The following SPIN1 variants were observed in gnomAD, a reference collection of about 807,000 sequenced individuals.
The protein encoded by SPIN1 is spindlin-1.
In SPIN1, 3 loss-of-function variants were observed where a neutral mutation model predicts 26.0. That is an observed-to-expected ratio of 0.12 (90% CI 0.05 to 0.30). SPIN1 has a LOEUF of 0.30. Ranked by LOEUF, SPIN1 falls within the 10% of genes least tolerant of loss-of-function variation. The pLI is 1.00. For missense variants in SPIN1, 126 were observed against 333.4 expected, an observed-to-expected ratio of 0.38 and a Z score of 4.84; for synonymous variants, 101 against 116.5, an observed-to-expected ratio of 0.87 and a Z score of 0.86.
Position 88,475,403 on chromosome 9 carries a change from C to A in SPIN1, c.*126C>A. 2 of 967,258 alleles carry A rather than the reference C, an allele frequency of 2.1e-6. No individual in the cohort carries two copies. Among genetic ancestry groups the A allele is most frequent in the Non-Finnish European group, 1.5e-6 (1 of 652,100 alleles). 59.9% of individuals were successfully genotyped at this position (967,258 alleles called of 1,614,324 possible). A position where few individuals can be genotyped will look rare whatever the true frequency, so the allele number is the denominator to read the frequency against. ...CCTGCGAACCCACAATCTCTGCCAGCAGAACTGGTTTTGTTCTGAATAGTA... is the reference window on the plus strand; with the variant it reads ...CCTGCGAACCCACAATCTCTGCCAGAAGAACTGGTTTTGTTCTGAATAGTA... On this transcript the variant is annotated 3_prime_UTR_variant, in exon 6 of 6. Transcript: ENST00000375859.
chr9:88,444,621 C>T (rs940700622), intron 2 of SPIN1, among the ~76,000 whole-genome samples: 3 of 151,608 alleles, frequency 2.0e-5, no homozygotes, highest in Admixed American at 1.3e-4. Context: ...CAGATCATTT[C>T]AGGGATAGTG....
At chr9:88,446,709 G>C (rs1325672840) in intron 2 of SPIN1, among the ~76,000 whole-genome samples, 2 of 152,060 alleles carry the variant, frequency 1.3e-5, no homozygotes, top group Admixed American at 6.6e-5. Context: ...CGCCAGCCCG[G>C]CTTGCTTATT....
intron 2 of SPIN1, among the ~76,000 whole-genome samples, chr9:88,426,868 GT>G (rs1172668541): frequency 6.6e-6 from 1 of 151,816 alleles, no homozygotes; most frequent in African/African-American, 2.4e-5. Context: ...AGTAAAAGGA[GT>G]TTTTTCCGGA....
intron 5 of SPIN1, among the ~76,000 whole-genome samples, chr9:88,473,141 C>G (rs1587819217): frequency 6.6e-6 from 1 of 151,990 alleles, no homozygotes; most frequent in Non-Finnish European, 1.5e-5. Context: ...GCCTGTAATC[C>G]CAGCACTTTG....
At chr9:88,452,468 T>C (rs1256160815) in intron 3 of SPIN1, among the ~76,000 whole-genome samples, 2 of 152,222 alleles carry the variant, frequency 1.3e-5, no homozygotes, top group Non-Finnish European at 2.9e-5. Context: ...ATGTGCACCA[T>C]GGTGTATACA....
chr9:88,414,030 C>CAG (rs773145297), intron 1 of SPIN1, among the ~76,000 whole-genome samples: 3 of 141,772 alleles, frequency 2.1e-5, no homozygotes, highest in African/African-American at 7.5e-5. Flanking sequence ...TTTATTATAG[C>CAG]AAAAAAAAAA....
intron 1 of SPIN1, among the ~76,000 whole-genome samples, chr9:88,420,088 T>C (rs1827641460): frequency 6.6e-6 from 1 of 152,188 alleles, no homozygotes; most frequent in East Asian, 1.9e-4. Context: ...AAAAGAGTTT[T>C]ATTCAGGCCA....
chr9:88,445,817 A>G (rs377042662), intron 2 of SPIN1, among the ~76,000 whole-genome samples: 1 of 151,994 alleles, frequency 6.6e-6, no homozygotes, highest in Non-Finnish European at 1.5e-5. Flanking sequence ...CTGGGATTAC[A>G]GGTGTGAGCC....
chr9:88,451,627 C>A (rs1452219994), intron 3 of SPIN1, among the ~76,000 whole-genome samples: 1 of 152,176 alleles, frequency 6.6e-6, no homozygotes, highest in African/African-American at 2.4e-5. Context: ...GTGGTGCAAT[C>A]TTGGTTCACT....
intron 1 of SPIN1, among the ~76,000 whole-genome samples, chr9:88,402,053 C>T (rs1439821467): frequency 3.3e-5 from 5 of 152,056 alleles, no homozygotes; most frequent in African/African-American, 1.2e-4. Flanking sequence ...TGCGGCGGTG[C>T]GATCTTGGCT....
At chr9:88,411,365 T>G (rs1467326533) in intron 1 of SPIN1, 1 of 1,567,516 alleles carries the variant, frequency 6.4e-7, no homozygotes, top group African/African-American at 1.3e-5. Context: ...TTGCTCAAAA[T>G]GGCTCCTCAG....
intron 1 of SPIN1, among the ~76,000 whole-genome samples, chr9:88,406,686 A>G (rs577947905): frequency 1.3e-4 from 20 of 152,258 alleles, no homozygotes; most frequent in African/African-American, 4.6e-4. Flanking sequence ...TTTAGTTTCA[A>G]TCTGTTAATA....
intron 1 of SPIN1, chr9:88,410,483 C>T: frequency 1.4e-6 from 1 of 733,386 alleles, no homozygotes; most frequent in Non-Finnish European, 2.5e-6. Context: ...TGTAGCTTCT[C>T]TGTCACTTCT....
intron 1 of SPIN1, among the ~76,000 whole-genome samples, chr9:88,417,665 G>T (rs34239533): frequency 2.2e-4 from 34 of 151,956 alleles, no homozygotes; most frequent in Non-Finnish European, 4.1e-4. Context: ...TAGAGATGAG[G>T]TTTCACCATG....
intron 3 of SPIN1, among the ~76,000 whole-genome samples, chr9:88,461,094 C>G (rs2118183807): frequency 6.6e-6 from 1 of 152,282 alleles, no homozygotes; most frequent in East Asian, 1.9e-4. Context: ...GAATGCTTTC[C>G]TAGCTTAAGA....
intron 1 of SPIN1, chr9:88,410,861 G>A (rs1301073145): frequency 1.1e-6 from 1 of 930,452 alleles, no homozygotes; most frequent in South Asian, 1.3e-5. Context: ...CGACCACCAC[G>A]TTTCCAGAAT....
Position 88,389,925 on chromosome 9 carries a change from C to CT in SPIN1, c.-159+1388dup, listed in dbSNP as rs574021883. Among the ~76,000 whole-genome samples, 420 of 152,120 alleles carry CT rather than the reference C, an allele frequency of 2.8e-3. 1 individual carries two copies. The highest frequency in any genetic ancestry group is 9.5e-3 in the African/African-American group (396 of 41,520). ...TGAGGCTTCTTCCAACCTCCCCACT[C>CT]TCCCCCCTCAGCTTTAGTTAAAAGG... On this transcript the variant is annotated intron_variant, in intron 1 of 5. Transcript: ENST00000375859.
intron 2 of SPIN1, among the ~76,000 whole-genome samples, chr9:88,443,352 C>G (rs1483233786): frequency 6.6e-6 from 1 of 152,116 alleles, no homozygotes. Flanking sequence ...ACTAATAAGC[C>G]TGTCTCTGAA....
intron 1 of SPIN1, among the ~76,000 whole-genome samples, chr9:88,424,597 C>T (rs1827732349): frequency 6.6e-6 from 1 of 152,262 alleles, no homozygotes; most frequent in African/African-American, 2.4e-5. Flanking sequence ...AACAATAAAG[C>T]TGTACATTGA....
Sources: gnomAD v4.1 joint callset for allele counts (sites outside exome capture counted in the v4.1 genomes callset) on GRCh38, gnomAD v4.1.1 for gene constraint, MANE v1.5 for transcripts, NCBI Gene and HGNC (gene_info 2026-07-23, HGNC 2026-07-21) for gene names.